DISC1: variants seen among roughly 807,000 people sequenced by gnomAD.
The protein encoded by DISC1 is DISC1 scaffold protein.
A neutral mutation model predicts 84.5 loss-of-function variants in DISC1; 57 were observed. The ratio of observed to expected loss-of-function variants is 0.67; its 90% CI spans 0.55 to 0.84. The LOEUF is 0.84. Ranked by LOEUF, DISC1 falls within the 40% of genes least tolerant of loss-of-function variation. The probability of loss-of-function intolerance (pLI) is 0.00; values close to 1 mark genes in which losing one functional copy is unlikely to be tolerated. For synonymous variants in DISC1, 411 were observed against 415.2 expected (o/e 0.99, Z 0.12); for missense variants, 1,000 against 1,057.8 (o/e 0.95, Z 0.76).
At chr1:231,670,191 G>C (rs560428749) in intron 1 of DISC1, among the ~76,000 whole-genome samples, 1 of 152,136 alleles carries the variant, frequency 6.6e-6, no homozygotes, top group East Asian at 1.9e-4. Flanking sequence ...GGGGAACAAT[G>C]CACACTAGGG....
At chr1:231,650,666 T>C (rs571630744) in intron 1 of DISC1, among the ~76,000 whole-genome samples, 7 of 152,332 alleles carry the variant, frequency 4.6e-5, no homozygotes, top group African/African-American at 1.7e-4. Flanking sequence ...TTTTCCAACT[T>C]GGTTCCATTC....
At chr1:232,004,610 G>A (rs933435664) in intron 10 of DISC1, among the ~76,000 whole-genome samples, 6 of 152,118 alleles carry the variant, frequency 3.9e-5, no homozygotes, top group Non-Finnish European at 7.4e-5. Flanking sequence ...TAGGGAACCC[G>A]AGAAAGAAGC....
At chr1:232,021,732 C>G (rs967905284) in intron 11 of DISC1, among the ~76,000 whole-genome samples, 3 of 152,218 alleles carry the variant, frequency 2.0e-5, no homozygotes, top group African/African-American at 7.2e-5. Context: ...AAAATCAACA[C>G]AAACTTAGTG....
At chr1:231,754,096 T>C (rs371325108) in intron 4 of DISC1, among the ~76,000 whole-genome samples, 198 of 152,306 alleles carry the variant, frequency 1.3e-3, no homozygotes, top group Non-Finnish European at 2.3e-3. Context: ...CTTTTCCTCA[T>C]CTTCGTGTCT....
At chr1:231,879,235 C>T (rs1024925937) in intron 9 of DISC1, among the ~76,000 whole-genome samples, 14 of 151,788 alleles carry the variant, frequency 9.2e-5, no homozygotes, top group Non-Finnish European at 1.8e-4. Context: ...AATTTTGGAA[C>T]GTTTCAGATT....
At chr1:231,804,397 G>A (rs1377726264) in intron 8 of DISC1, among the ~76,000 whole-genome samples, 1 of 151,900 alleles carries the variant, frequency 6.6e-6, no homozygotes, top group Non-Finnish European at 1.5e-5. Flanking sequence ...GAGCATCTAG[G>A]AAGTGTCAGA....
chr1:231,909,820 T>C (rs955524790), intron 9 of DISC1, among the ~76,000 whole-genome samples: 1 of 152,212 alleles, frequency 6.6e-6, no homozygotes, highest in African/African-American at 2.4e-5. Context: ...CTTTTTTTGA[T>C]TGGTAGGCTA....
At chr1:231,978,606 C>T (rs1028021862) in intron 10 of DISC1, among the ~76,000 whole-genome samples, 9 of 152,118 alleles carry the variant, frequency 5.9e-5, no homozygotes, top group African/African-American at 2.2e-4. Context: ...GTCACGGTTT[C>T]GTATATTCGT....
At chr1:231,743,774 C>A (rs927411705) in intron 3 of DISC1, among the ~76,000 whole-genome samples, 4 of 152,186 alleles carry the variant, frequency 2.6e-5, no homozygotes, top group African/African-American at 9.7e-5. Flanking sequence ...GGACAGATGA[C>A]CTTTTCTAGT....
chr1:232,009,225 G>C lies in DISC1; in HGVS notation c.2307+176G>C. The C allele has an allele frequency of 7.1e-7, 1 of 1,413,558 alleles. No individual in the cohort carries two copies. Among genetic ancestry groups the C allele is most frequent in the Non-Finnish European group, 9.2e-7 (1 of 1,087,014 alleles). The allele number at this position is 1,413,558 out of a possible 1,614,324, so 87.6% of individuals were successfully genotyped here. A position where few individuals can be genotyped will look rare whatever the true frequency, so the allele number is the denominator to read the frequency against. ...AAAATAAAGTAGAATTTTTGTAGAA[G>C]TTTGAAATATAGAAGAGCAAAAAAA... On this transcript the variant is annotated intron_variant, in intron 11 of 12. Transcript: ENST00000439617. This position sits in a 1 kb window ranked among gnomAD's most constrained non-coding sequence, Gnocchi z 4.6.
intron 4 of DISC1, among the ~76,000 whole-genome samples, chr1:231,758,878 T>C (rs2075380958): frequency 6.6e-6 from 1 of 152,250 alleles, no homozygotes; most frequent in Non-Finnish European, 1.5e-5. Context: ...ACGTGAAAAC[T>C]GGTCCTATTT....
chr1:231,683,357 T>A (rs1384234005), intron 1 of DISC1, among the ~76,000 whole-genome samples: 1 of 151,920 alleles, frequency 6.6e-6, no homozygotes, highest in Non-Finnish European at 1.5e-5. Context: ...GGCCCATCCC[T>A]CGATGTTGTA....
intron 3 of DISC1, chr1:231,723,068 A>C: frequency 9.8e-7 from 1 of 1,016,664 alleles, no homozygotes; most frequent in Non-Finnish European, 1.2e-6. Context: ...CTTGATATCC[A>C]TGGGGGATTA....
At chr1:231,791,743 A>G (rs2078367985) in intron 6 of DISC1, among the ~76,000 whole-genome samples, 1 of 152,174 alleles carries the variant, frequency 6.6e-6, no homozygotes, top group Non-Finnish European at 1.5e-5. Context: ...AAAAGTGGGG[A>G]TTGGTTTCAC....
chr1:231,641,892 T>G (rs2059720336), intron 1 of DISC1, among the ~76,000 whole-genome samples: 1 of 152,210 alleles, frequency 6.6e-6, no homozygotes, highest in Non-Finnish European at 1.5e-5. Flanking sequence ...CTTCACCCAG[T>G]GGATCCCGCA....
chr1:231,958,536 T>A (rs1659919806), intron 9 of DISC1, among the ~76,000 whole-genome samples: 1 of 152,184 alleles, frequency 6.6e-6, no homozygotes, highest in Non-Finnish European at 1.5e-5. Context: ...GCACATGTCA[T>A]CCAGTGATAG....
chr1:231,789,180 T>C (rs889118026), intron 6 of DISC1, among the ~76,000 whole-genome samples: 1 of 152,172 alleles, frequency 6.6e-6, no homozygotes, highest in Admixed American at 6.5e-5. Context: ...CCAGCCTCAC[T>C]GAGAGGGTCA....
intron 11 of DISC1, among the ~76,000 whole-genome samples, chr1:232,013,873 C>G (rs1361470623): frequency 6.6e-6 from 1 of 152,070 alleles, no homozygotes; most frequent in Non-Finnish European, 1.5e-5. Context: ...GTTTCTAAGA[C>G]TGGCTTTGAG....
At chr1:231,788,118 A>G (rs1479010012) in intron 6 of DISC1, among the ~76,000 whole-genome samples, 1 of 152,150 alleles carries the variant, frequency 6.6e-6, no homozygotes, top group African/African-American at 2.4e-5. Context: ...CCCCATTTCT[A>G]CTAAAAATAC....
Sources: gnomAD v4.1 joint callset for allele counts (sites outside exome capture counted in the v4.1 genomes callset) on GRCh38, gnomAD v4.1.1 for gene constraint, Gnocchi (gnomAD v3.1) non-coding constraint, MANE v1.5 for transcripts, NCBI Gene and HGNC (gene_info 2026-07-23, HGNC 2026-07-21) for gene names.